The following NAALADL2 variants were observed in gnomAD, a reference collection of about 807,000 sequenced individuals.
NAALADL2 encodes inactive N-acetylated-alpha-linked acidic dipeptidase-like protein 2.
Under a neutral mutation model 87.2 loss-of-function variants are expected in NAALADL2, and 76 were observed. The ratio of observed to expected loss-of-function variants is 0.87; its 90% CI spans 0.72 to 1.05. The LOEUF (loss-of-function observed/expected upper bound fraction) is 1.05, where lower values mean the gene tolerates loss of function less well. Ranked by LOEUF, NAALADL2 falls within the 50% of genes least tolerant of loss-of-function variation. The pLI is 0.00. For synonymous variants in NAALADL2, 354 were observed against 331.0 expected, an observed-to-expected ratio of 1.07 and a Z score of -0.75; for missense variants, 1,089 against 945.8, an observed-to-expected ratio of 1.15 and a Z score of -1.99.
chr3:175,134,601 T>TA (rs1728807018), intron 2 of NAALADL2, among the ~76,000 whole-genome samples: 2 of 152,300 alleles, frequency 1.3e-5, no homozygotes, highest in South Asian at 4.1e-4. Context: ...ACAGGCTGAG[T>TA]AAAAAATACA....
intron 2 of NAALADL2, among the ~76,000 whole-genome samples, chr3:174,577,930 T>C (rs1164012634): frequency 1.3e-5 from 2 of 151,788 alleles, no homozygotes; most frequent in African/African-American, 4.8e-5. Context: ...AGCAGAGAAA[T>C]AGAAACTATA....
chr3:175,321,044 T>G (rs1279650312), intron 4 of NAALADL2, among the ~76,000 whole-genome samples: 1 of 151,276 alleles, frequency 6.6e-6, no homozygotes, highest in East Asian at 2.0e-4. Flanking sequence ...AAAAGAGAAT[T>G]TTAGACCAAT....
At chr3:175,264,340 TAATA>T (rs1193765181) in intron 4 of NAALADL2, among the ~76,000 whole-genome samples, 1 of 151,904 alleles carries the variant, frequency 6.6e-6, no homozygotes, top group African/African-American at 2.4e-5. Context: ...GATAAATTCT[TAATA>T]AATATTAACT....
At chr3:174,909,663 C>T (rs1355945982) in intron 1 of NAALADL2, among the ~76,000 whole-genome samples, 13 of 152,200 alleles carry the variant, frequency 8.5e-5, no homozygotes, top group Non-Finnish European at 1.3e-4. Context: ...GGCTCTGTCA[C>T]GTTCTAGCTA....
At chr3:175,049,120 C>T (rs765929483) in intron 1 of NAALADL2, among the ~76,000 whole-genome samples, 1 of 151,954 alleles carries the variant, frequency 6.6e-6, no homozygotes, top group Non-Finnish European at 1.5e-5. Flanking sequence ...TTCCTAGAAT[C>T]AGCCAGGATC....
At chr3:174,744,472 G>A (rs750540334) in intron 3 of NAALADL2, among the ~76,000 whole-genome samples, 12 of 152,060 alleles carry the variant, frequency 7.9e-5, no homozygotes, top group Non-Finnish European at 1.3e-4. Flanking sequence ...GACCTACAAA[G>A]AGACTTAGAC....
chr3:175,165,471 C>T (rs151104431), intron 2 of NAALADL2, among the ~76,000 whole-genome samples: 5 of 151,896 alleles, frequency 3.3e-5, no homozygotes, highest in African/African-American at 4.8e-5. Context: ...ATTTAAGGCT[C>T]AAAAAAGTTA....
At chr3:175,107,511 T>TACAC (rs776469358) in intron 2 of NAALADL2, among the ~76,000 whole-genome samples, 122 of 117,376 alleles carry the variant, frequency 1.0e-3, no homozygotes, top group African/African-American at 3.4e-3. Flanking sequence ...AACACACACA[T>TACAC]ACACACACAC....
intron 1 of NAALADL2, among the ~76,000 whole-genome samples, chr3:175,049,903 A>G (rs562714699): frequency 6.6e-6 from 1 of 152,370 alleles, no homozygotes; most frequent in East Asian, 1.9e-4. Flanking sequence ...TGTTTTGTTT[A>G]ATATTGTTTT....
chr3:175,040,390 A>G (rs1753925107), intron 1 of NAALADL2, among the ~76,000 whole-genome samples: 2 of 152,200 alleles, frequency 1.3e-5, no homozygotes, highest in Non-Finnish European at 2.9e-5. Context: ...ATAGGCAGTC[A>G]ATATTTGTGT....
At chr3:175,294,701 A>C (rs1343753445) in intron 4 of NAALADL2, among the ~76,000 whole-genome samples, 2 of 152,246 alleles carry the variant, frequency 1.3e-5, no homozygotes, top group Non-Finnish European at 2.9e-5. Flanking sequence ...GAAGTAAGAT[A>C]ATTTATGAAG....
At chr3:174,899,479 C>T (rs1732042061) in intron 1 of NAALADL2, among the ~76,000 whole-genome samples, 1 of 152,108 alleles carries the variant, frequency 6.6e-6, no homozygotes, top group Non-Finnish European at 1.5e-5. Context: ...CTCTTGAGAT[C>T]TGTTTGCTTA....
At chr3:174,628,628 A>G (rs1301006191) in intron 2 of NAALADL2, among the ~76,000 whole-genome samples, 1 of 152,190 alleles carries the variant, frequency 6.6e-6, no homozygotes, top group Non-Finnish European at 1.5e-5. Context: ...AGGTATTCCC[A>G]TAGTATGAAG....
At chr3:174,455,412 G>T (rs796484949) in intron 1 of NAALADL2, among the ~76,000 whole-genome samples, 2 of 152,092 alleles carry the variant, frequency 1.3e-5, no homozygotes, top group African/African-American at 4.8e-5. Context: ...TCAAAACTTG[G>T]CAGAGACACA....
intron 2 of NAALADL2, among the ~76,000 whole-genome samples, chr3:174,641,085 T>C (rs1168593870): frequency 1.3e-5 from 2 of 152,014 alleles, no homozygotes; most frequent in Non-Finnish European, 2.9e-5. Context: ...AGAAGGGAGA[T>C]TGACCTGGGC....
At chr3:175,567,429 G>A (rs1717348192) in intron 9 of NAALADL2, among the ~76,000 whole-genome samples, 1 of 151,800 alleles carries the variant, frequency 6.6e-6, no homozygotes, top group African/African-American at 2.4e-5. Context: ...AGTACATAAT[G>A]AAATTTTAAA....
chr3:174,882,510 T>C (rs1448561475), intron 1 of NAALADL2, among the ~76,000 whole-genome samples: 5 of 150,462 alleles, frequency 3.3e-5, no homozygotes, highest in Middle Eastern at 3.6e-3. Context: ...TATGTGTATA[T>C]ACATATGTGC....
chr3:175,463,472 G>T lies in NAALADL2; in HGVS notation c.1306G>T (p.Val436Leu). 6.3e-7 allele frequency: 1 copy of T among 1,596,084 alleles called. No homozygotes were observed. Among genetic ancestry groups the T allele is most frequent in the Non-Finnish European group, 8.6e-7 (1 of 1,169,588 alleles). Reference protein sequence around the residue: ...LKTVTNVVGFVMGLTSPDRYI... With the variant: ...LKTVTNVVGFLMGLTSPDRYI... ...AACAGTTACTAATGTTGTTGGATTTGTAATGGGCTTGACATCTCCAGGTAA... is the reference window on the plus strand; with the variant it reads ...AACAGTTACTAATGTTGTTGGATTTTTAATGGGCTTGACATCTCCAGGTAA... Residue 436 changes from valine to leucine, a missense_variant, in exon 7 of 14, where the codon GTA becomes TTA. Coordinates refer to ENST00000454872, the MANE Select transcript of NAALADL2 (RefSeq NM_207015.3).
intron 13 of NAALADL2, among the ~76,000 whole-genome samples, chr3:175,783,253 G>C (rs1751414379): frequency 6.6e-6 from 1 of 152,132 alleles, no homozygotes; most frequent in Admixed American, 6.5e-5. Flanking sequence ...AAAGTCATTG[G>C]TAGCTTTATG....
Sources: gnomAD v4.1 joint callset for allele counts (sites outside exome capture counted in the v4.1 genomes callset) on GRCh38, gnomAD v4.1.1 for gene constraint, MANE v1.5 for transcripts, NCBI Gene and HGNC (gene_info 2026-07-23, HGNC 2026-07-21) for gene names.